JPH3: variants seen among roughly 807,000 people sequenced by gnomAD.
The protein encoded by JPH3 is junctophilin-3.
Under a neutral mutation model 59.6 loss-of-function variants are expected in JPH3, and 11 were observed. That is an observed-to-expected ratio of 0.18 (90% confidence interval 0.12 to 0.31). The LOEUF is 0.31. Ranked by LOEUF, JPH3 falls within the 10% of genes least tolerant of loss-of-function variation. The pLI is 1.00. For missense variants in JPH3, 1,202 were observed against 1,105.7 expected (o/e 1.09, Z -1.24); for synonymous variants, 673 against 483.6 (o/e 1.39, Z -5.14).
At chr16:87,624,346 G>A (rs1477786364) in intron 1 of JPH3, among the ~76,000 whole-genome samples, 1 of 150,720 alleles carries the variant, frequency 6.6e-6, no homozygotes, top group African/African-American at 2.4e-5. Context: ...CCTGGTGACC[G>A]AGACTCCATT....
chr16:87,685,393 A>C (rs11649559), intron 3 of JPH3, among the ~76,000 whole-genome samples: 77,996 of 152,140 alleles, frequency 0.51, 20,221 homozygotes, highest in Middle Eastern at 0.6. Context: ...GTGGGAGGGC[A>C]ATGGGCCACG....
chr16:87,629,604 G>T (rs550827462), intron 1 of JPH3, among the ~76,000 whole-genome samples: 98 of 151,766 alleles, frequency 6.5e-4, no homozygotes, highest in Middle Eastern at 3.4e-3. Context: ...GCCACATCCC[G>T]TGGGGTTCCA....
At chr16:87,676,145 C>G (rs191426521) in intron 2 of JPH3, among the ~76,000 whole-genome samples, 1 of 152,220 alleles carries the variant, frequency 6.6e-6, no homozygotes, top group South Asian at 2.1e-4. Context: ...TAATTGCTGT[C>G]TTCTTAGAAC....
intron 2 of JPH3, among the ~76,000 whole-genome samples, chr16:87,678,786 G>A (rs1176490075): frequency 1.3e-5 from 2 of 152,218 alleles, no homozygotes; most frequent in Admixed American, 6.5e-5. Flanking sequence ...AGAGAGACAC[G>A]TGCCGGAGAA....
rs1385936549 is a variant in JPH3, at chr16:87,610,483, G to C, written c.382+6955G>C. On this transcript the variant is annotated intron_variant, in intron 1 of 4. Transcript: ENST00000284262. ...AGTGACTAAAATGGTGCTGGCACGT[G>C]GTGGTCAATAAATATTTGTGGAATG... 2.0e-5 allele frequency among the ~76,000 whole-genome samples: 3 copies of C among 152,264 alleles called. No individual in the cohort carries two copies. In the East Asian group the frequency reaches 5.8e-4, roughly 29 times the overall value.
intron 1 of JPH3, among the ~76,000 whole-genome samples, chr16:87,639,626 TCCCTCCTGG>T (rs1442814353): frequency 6.7e-6 from 1 of 149,172 alleles, no homozygotes; most frequent in Non-Finnish European, 1.5e-5. Flanking sequence ...CCTCCTGGCC[TCCCTCCTGG>T]CCTCCCGCCT....
chr16:87,656,669 G>A (rs1368490185), intron 2 of JPH3, among the ~76,000 whole-genome samples: 1 of 152,202 alleles, frequency 6.6e-6, no homozygotes, highest in East Asian at 1.9e-4. Context: ...GCGGGTCAGG[G>A]GCAGTTAGGA....
rs142656998 is a variant in JPH3 at position 87,659,491 on chromosome 16, G to A, written c.1160+14456G>A. On this transcript the variant is annotated intron_variant, in intron 2 of 4. Coordinates refer to ENST00000284262, the MANE Select transcript of JPH3 (RefSeq NM_020655.4). The stretch of plus-strand genomic sequence containing the variant: ...ATAATCCCAGCACTGGGAGGTTGAG[G>A]TGGGTGAATCACTTGAGGTCAGGAG... 3.4e-4 allele frequency among the ~76,000 whole-genome samples: 52 copies of A among 152,154 alleles called. No individual in the cohort carries two copies. The East Asian group carries it at 9.1e-3, about 27-fold the overall frequency.
At chr16:87,629,625 G>A (rs536718347) in intron 1 of JPH3, among the ~76,000 whole-genome samples, 8 of 139,548 alleles carry the variant, frequency 5.7e-5, no homozygotes, top group Admixed American at 2.2e-4. Flanking sequence ...ACTAGATGGC[G>A]TTCTGGAAGA....
intron 2 of JPH3, among the ~76,000 whole-genome samples, chr16:87,659,937 G>C (rs567032270): frequency 6.6e-6 from 1 of 152,270 alleles, no homozygotes; most frequent in East Asian, 1.9e-4. Context: ...TGTCTGGAGA[G>C]GGATAGCATG....
intron 2 of JPH3, among the ~76,000 whole-genome samples, chr16:87,652,505 C>A (rs1241893380): frequency 6.6e-6 from 1 of 152,246 alleles, no homozygotes; most frequent in Non-Finnish European, 1.5e-5. Context: ...ACTCTGCCGT[C>A]CAGGCCGGAG....
intron 4 of JPH3, among the ~76,000 whole-genome samples, chr16:87,696,309 T>G (rs2033850725): frequency 6.6e-6 from 1 of 151,654 alleles, no homozygotes; most frequent in Admixed American, 6.6e-5. Context: ...GAGCTGGTAC[T>G]CAGGGTGTCG....
chr16:87,656,719 G>C (rs1409837264), intron 2 of JPH3, among the ~76,000 whole-genome samples: 1 of 152,198 alleles, frequency 6.6e-6, no homozygotes, highest in African/African-American at 2.4e-5. Flanking sequence ...CGTGCCATGG[G>C]CATGTGCTCG....
At chr16:87,625,568 CGAGGAG>C (rs140291398) in intron 1 of JPH3, among the ~76,000 whole-genome samples, 6 of 152,060 alleles carry the variant, frequency 3.9e-5, no homozygotes, top group South Asian at 2.1e-4. Context: ...AAGGAAGTGG[CGAGGAG>C]GAGGAGGAGG....
intron 1 of JPH3, among the ~76,000 whole-genome samples, chr16:87,633,570 G>A (rs60412838): frequency 0.015 from 2,221 of 152,090 alleles, 57 homozygotes; most frequent in African/African-American, 0.052. Context: ...GGGAGGCCGA[G>A]GCAGGCGGAG....
At chr16:87,669,377 A>G (rs1235667598) in intron 2 of JPH3, among the ~76,000 whole-genome samples, 1 of 152,196 alleles carries the variant, frequency 6.6e-6, no homozygotes, top group Non-Finnish European at 1.5e-5. Context: ...AGACTTGGCC[A>G]TCTTTAGGCT....
intron 3 of JPH3, among the ~76,000 whole-genome samples, chr16:87,685,589 G>GACGA: frequency 6.6e-6 from 1 of 152,264 alleles, no homozygotes. Context: ...CTGCGGGATG[G>GACGA]ACGAACGGAA....
chr16:87,657,766 G>A (rs181552244), intron 2 of JPH3, among the ~76,000 whole-genome samples: 9 of 144,442 alleles, frequency 6.2e-5, no homozygotes, highest in Admixed American at 5.4e-4. Context: ...ATGCAACCTG[G>A]GAGTTGCCCC....
chr16:87,691,475 A>C (rs1301033742), intron 4 of JPH3, among the ~76,000 whole-genome samples: 1 of 151,940 alleles, frequency 6.6e-6, no homozygotes, highest in Non-Finnish European at 1.5e-5. Context: ...GGGTGTCCGC[A>C]GGGGGCGCTC....
Sources: allele counts gnomAD v4.1 joint callset (sites outside exome capture counted in the v4.1 genomes callset), GRCh38; gene constraint gnomAD v4.1.1; transcripts MANE v1.5; gene names NCBI Gene and HGNC (gene_info 2026-07-23, HGNC 2026-07-21).